Variants in CYLD observed in about 807,000 individuals in gnomAD.
The protein encoded by CYLD is CYLD lysine 63 deubiquitinase, also known as ubiquitin carboxyl-terminal hydrolase CYLD.
CYLD carries 26 observed loss-of-function variants against 104.5 expected under a neutral mutation model. The ratio of observed to expected loss-of-function variants is 0.25; its 90% CI spans 0.18 to 0.35. CYLD has a LOEUF of 0.35. Among genes scored for constraint, CYLD ranks in the 10% least tolerant of loss-of-function variants. CYLD has a pLI of 1.00. For synonymous variants in CYLD, 385 were observed against 399.9 expected (o/e 0.96, Z 0.45); for missense variants, 703 against 1,136.1 (o/e 0.62, Z 5.48).
At chr16:50,774,025 C>G (rs897248069) in intron 5 of CYLD, among the ~76,000 whole-genome samples, 3 of 152,204 alleles carry the variant, frequency 2.0e-5, no homozygotes, top group African/African-American at 7.2e-5. Context: ...CCAGTTGGCT[C>G]TCCAGTCCTG....
intron 5 of CYLD, among the ~76,000 whole-genome samples, chr16:50,762,151 C>T (rs1175830596): frequency 1.3e-5 from 2 of 152,124 alleles, no homozygotes; most frequent in African/African-American, 4.8e-5. Context: ...AGCAACCTCC[C>T]ATCATCCACC....
chr16:50,778,856 T>A (rs75553647), intron 8 of CYLD, among the ~76,000 whole-genome samples: 71 of 152,222 alleles, frequency 4.7e-4, no homozygotes, highest in East Asian at 9.6e-4. Context: ...AATTTTTTTT[T>A]AAAAATATGG....
chr16:50,761,746 A>ATATCTCTATATC (rs1555506334), intron 5 of CYLD, among the ~76,000 whole-genome samples: 1 of 149,778 alleles, frequency 6.7e-6, no homozygotes, highest in African/African-American at 2.5e-5. Context: ...ACATATCTCT[A>ATATCTCTATATC]TATCTATCTA....
intron 7 of CYLD, among the ~76,000 whole-genome samples, 177 bp from the exon 8 acceptor site, chr16:50,777,648 A>C (rs538459104): frequency 6.6e-6 from 1 of 152,208 alleles, no homozygotes; most frequent in Admixed American, 6.5e-5. Flanking sequence ...ATATTGTCAA[A>C]ATGGTTACCA....
chr16:50,798,089 G>A lies in CYLD; in HGVS notation c.*1581G>A. ...CCCTTGGGTAAAATGAAGGGTGTGG[G>A]GTAAAAGATGCATAAGGCCTTTTCT... On this transcript the variant is annotated 3_prime_UTR_variant, in exon 19 of 19. Coordinates refer to ENST00000427738, the MANE Select transcript of CYLD (RefSeq NM_001378743.1). 1 of 231,972 alleles carries A rather than the reference G, an allele frequency of 4.3e-6. No individual in the cohort carries two copies. The highest frequency in any genetic ancestry group is 1.8e-4 in the South Asian group (1 of 5,518). The allele number at this position is 231,972 out of a possible 1,614,324, so 14.4% of individuals were successfully genotyped here.
chr16:50,744,158 A>G (rs976721697), intron 2 of CYLD, among the ~76,000 whole-genome samples: 1 of 151,516 alleles, frequency 6.6e-6, no homozygotes, highest in African/African-American at 2.4e-5. Context: ...TCCTTGTTCC[A>G]GTGGGAATAT....
At chr16:50,764,682 C>CCTGGGATGCTTTT in intron 5 of CYLD, among the ~76,000 whole-genome samples, 1 of 152,254 alleles carries the variant, frequency 6.6e-6, no homozygotes, top group South Asian at 2.1e-4. Context: ...TAGGTCTAAG[C>CCTGGGATGCTTTT]CCGTAGTTCT....
At chr16:50,753,683 C>T (rs1056786844) in intron 4 of CYLD, among the ~76,000 whole-genome samples, 1 of 152,192 alleles carries the variant, frequency 6.6e-6, no homozygotes, top group African/African-American at 2.4e-5. Context: ...GTGCCCAGGG[C>T]AGTTGTCTGA....
chr16:50,783,685 C>T (rs1345298718), intron 11 of CYLD, among the ~76,000 whole-genome samples: 3 of 151,994 alleles, frequency 2.0e-5, no homozygotes, highest in Non-Finnish European at 4.4e-5. Context: ...ACTTCAGGTG[C>T]ACTCCATCAT....
chr16:50,782,821 G>A (rs895410662), intron 11 of CYLD, among the ~76,000 whole-genome samples: 2 of 151,862 alleles, frequency 1.3e-5, no homozygotes, highest in Admixed American at 6.6e-5. Flanking sequence ...GTAGGTAAAG[G>A]CAGTCATAAA....
At chr16:50,750,680 A>G (rs551101593) in intron 3 of CYLD, among the ~76,000 whole-genome samples, 1 of 152,330 alleles carries the variant, frequency 6.6e-6, no homozygotes, top group East Asian at 1.9e-4. Flanking sequence ...TCACCTGGCT[A>G]TTGCAGACAT....
At chr16:50,768,321 A>G (rs190641707) in intron 5 of CYLD, among the ~76,000 whole-genome samples, 1 of 152,168 alleles carries the variant, frequency 6.6e-6, no homozygotes, top group African/African-American at 2.4e-5. Flanking sequence ...TCTGCCTTTC[A>G]TGTCATCATT....
chr16:50,762,570 G>A (rs76659853), intron 5 of CYLD, among the ~76,000 whole-genome samples: 1 of 152,252 alleles, frequency 6.6e-6, no homozygotes, highest in Non-Finnish European at 1.5e-5. Flanking sequence ...CTTGGCTATT[G>A]TTAGCCTTTG....
chr16:50,780,005 G>C lies in CYLD; in HGVS notation c.1479G>C (p.Gln493His), dbSNP rs1383933346. The C allele has an allele frequency of 1.9e-6, 3 of 1,614,122 alleles. No homozygotes were observed. In the South Asian group the frequency reaches 3.3e-5, roughly 18 times the overall value. Reference protein sequence around the residue: ...PFYGVIRWIGQPPGLNEVLAG... With the variant: ...PFYGVIRWIGHPPGLNEVLAG... ...ATGGGGTAATCCGTTGGATCGGTCA[G>C]CCACCAGGACTGAATGAAGTGCTCG... is the stretch of plus-strand genomic sequence containing the variant. The change falls in exon 9 of 19, where the codon CAG becomes CAC. Residue 493 changes from glutamine (Q) to histidine (H), a missense_variant. Gln to His is a conservative substitution (Grantham distance 24). Around this residue, in one of 5 missense-constraint regions of CYLD, gnomAD observed 183 missense variants for 212.1 expected, o/e 0.86. Coordinates refer to ENST00000427738, the MANE Select transcript of CYLD (RefSeq NM_001378743.1).
At chr16:50,793,146 A>ATG (rs1971599211) in intron 16 of CYLD, among the ~76,000 whole-genome samples, 1 of 151,260 alleles carries the variant, frequency 6.6e-6, no homozygotes, top group African/African-American at 2.4e-5. Flanking sequence ...ACACACACAC[A>ATG]CATGCATATA....
rs202154956 is a variant in CYLD, at chr16:50,754,420, C to T, written c.909C>T (p.Ile303=). 1.0e-5 allele frequency: 16 copies of T among 1,596,676 alleles called. No homozygotes were observed. Among genetic ancestry groups the T allele is most frequent in the Middle Eastern group, 1.7e-4 (1 of 5,738 alleles). Residue 303 remains isoleucine (I), a synonymous_variant, in exon 5 of 19, where the codon ATC becomes ATT. Coordinates refer to ENST00000427738, the MANE Select transcript of CYLD (RefSeq NM_001378743.1). Reference sequence around the variant, plus strand: ...TTCTATTGCACATCAATGATATCATCCCAGGTATGTTTTCTTTGTTTTATA... The same window carrying T: ...TTCTATTGCACATCAATGATATCATTCCAGGTATGTTTTCTTTGTTTTATA... The part of the protein sequence containing the change: ...STILLHINDI[I]PALSESVTQE...
chr16:50,753,168 C>G (rs943347270), intron 4 of CYLD, among the ~76,000 whole-genome samples: 2 of 152,182 alleles, frequency 1.3e-5, no homozygotes, highest in Non-Finnish European at 2.9e-5. Context: ...ACTAAACAAA[C>G]GTTTACTCTT....
chr16:50,779,058 ATGTT>A (rs1451496833), intron 8 of CYLD, among the ~76,000 whole-genome samples: 1 of 151,888 alleles, frequency 6.6e-6, no homozygotes, highest in Non-Finnish European at 1.5e-5. Flanking sequence ...TTCTTATTGT[ATGTT>A]TGTTTTCTCT....
At chr16:50,770,852 A>G (rs1969070260) in intron 5 of CYLD, among the ~76,000 whole-genome samples, 2 of 152,246 alleles carry the variant, frequency 1.3e-5, no homozygotes, top group Non-Finnish European at 2.9e-5. Flanking sequence ...GTCTTTATGT[A>G]TTCTAGATAC....
Sources: gnomAD v4.1 joint callset for allele counts (sites outside exome capture counted in the v4.1 genomes callset) on GRCh38, gnomAD v4.1.1 for gene constraint, gnomAD v4.1.1 regional missense constraint, MANE v1.5 for transcripts, NCBI Gene and HGNC (gene_info 2026-07-23, HGNC 2026-07-21) for gene names.